Variants in SHLD1 observed in about 807,000 individuals in gnomAD.
SHLD1 encodes RINN1-REV7-interacting novel NHEJ regulator 3.
SHLD1 carries 3 observed loss-of-function variants against 5.5 expected under a neutral mutation model. The ratio of observed to expected loss-of-function variants is 0.54; its 90% CI spans 0.25 to 1.40. The LOEUF is 1.40. Among genes scored for constraint, SHLD1 ranks in the 40% most tolerant of loss-of-function variants. The probability of loss-of-function intolerance (pLI) is 0.15; values close to 1 mark genes in which losing one functional copy is unlikely to be tolerated. For synonymous variants in SHLD1, 92 were observed against 94.3 expected (o/e 0.98, Z 0.14); for missense variants, 210 against 244.4 (o/e 0.86, Z 0.94).
At position 5,753,745 on chromosome 20, in the gene SHLD1, C is replaced by T. The variant is rs140580586; in HGVS notation, c.-5+3266C>T. On this transcript the variant is annotated intron_variant, in intron 1 of 2. Transcript: ENST00000303142. ...TAGGGTGGGATGGCCAGCCTCTTAGCATGCTTTGTTAAAGGCACACCTGGT... is the reference window on the plus strand; with the variant it reads ...TAGGGTGGGATGGCCAGCCTCTTAGTATGCTTTGTTAAAGGCACACCTGGT... Among the ~76,000 whole-genome samples, 1,295 of 152,294 alleles carry T rather than the reference C, an allele frequency of 8.5e-3. 14 individuals are homozygous for T. The highest frequency in any genetic ancestry group is 0.028 in the African/African-American group (1,156 of 41,560).
chr20:5,773,524 A>G (rs237423), intron 2 of SHLD1: 110,688 of 206,420 alleles, frequency 0.54, 30,375 homozygotes, highest in African/African-American at 0.63. Context: ...CGAAACATCT[A>G]TTATTTAAAC....
At chr20:5,786,403 C>G (rs2087059620) in intron 2 of SHLD1, among the ~76,000 whole-genome samples, 1 of 152,070 alleles carries the variant, frequency 6.6e-6, no homozygotes, top group South Asian at 2.1e-4. Context: ...ATAGCAAGAC[C>G]TCGCCTCTAC....
At chr20:5,761,762 C>T (rs1166815558) in intron 1 of SHLD1, among the ~76,000 whole-genome samples, 5 of 151,486 alleles carry the variant, frequency 3.3e-5, no homozygotes, top group Non-Finnish European at 5.9e-5. Context: ...TGCACGCCAC[C>T]GCGCCCAGCT....
At chr20:5,751,601 G>T (rs766158128) in intron 1 of SHLD1, among the ~76,000 whole-genome samples, 1 of 152,044 alleles carries the variant, frequency 6.6e-6, no homozygotes, top group Non-Finnish European at 1.5e-5. Context: ...CACCACGCCC[G>T]GCTATCTTCT....
rs192952878 is a variant in SHLD1, at chr20:5,822,989, C to T, written c.179-40035C>T. Among the ~76,000 whole-genome samples the T allele has an allele frequency of 1.2e-3, 174 of 146,866 alleles. 1 individual carries two copies. The highest frequency in any genetic ancestry group is 3.9e-3 in the African/African-American group (155 of 39,650). ...CCACTCCAGTCACACTTTTGCCTTCCCTCCCCCACCCCGCCCCCACCCCCA... is the reference window on the plus strand; with the variant it reads ...CCACTCCAGTCACACTTTTGCCTTCTCTCCCCCACCCCGCCCCCACCCCCA... On this transcript the variant is annotated intron_variant, in intron 2 of 2. Coordinates refer to ENST00000303142, the MANE Select transcript of SHLD1 (RefSeq NM_152504.4).
chr20:5,779,874 G>A (rs1352229532), intron 2 of SHLD1, among the ~76,000 whole-genome samples: 1 of 152,034 alleles, frequency 6.6e-6, no homozygotes, highest in Non-Finnish European at 1.5e-5. Context: ...GGGGGTCTAA[G>A]GGTGAACTTG....
At chr20:5,810,663 G>A (rs1027202133) in intron 2 of SHLD1, among the ~76,000 whole-genome samples, 1 of 151,108 alleles carries the variant, frequency 6.6e-6, no homozygotes, top group Non-Finnish European at 1.5e-5. Context: ...GGAGGCTGAG[G>A]TAAGCAGATC....
intron 2 of SHLD1, among the ~76,000 whole-genome samples, chr20:5,852,074 T>C (rs2088017956): frequency 6.6e-6 from 1 of 152,100 alleles, no homozygotes; most frequent in Admixed American, 6.5e-5. Flanking sequence ...CTTCCACCAT[T>C]AATAAAAGCT....
intron 2 of SHLD1, among the ~76,000 whole-genome samples, chr20:5,782,813 A>C (rs868541427): frequency 1.1e-4 from 17 of 152,186 alleles, no homozygotes; most frequent in African/African-American, 4.1e-4. Flanking sequence ...AATTCTATAA[A>C]ATTTTATTTC....
intron 2 of SHLD1, among the ~76,000 whole-genome samples, chr20:5,798,826 G>C (rs902758765): frequency 4.6e-5 from 7 of 151,884 alleles, no homozygotes; most frequent in African/African-American, 1.7e-4. Context: ...CACCGGGTTA[G>C]CCAGGATGGT....
intron 1 of SHLD1, among the ~76,000 whole-genome samples, chr20:5,763,856 C>A (rs1164366251): frequency 1.3e-5 from 2 of 150,526 alleles, no homozygotes; most frequent in Non-Finnish European, 2.9e-5. Flanking sequence ...CGCCTGTAAT[C>A]CCAGCACTTT....
intron 2 of SHLD1, among the ~76,000 whole-genome samples, chr20:5,798,621 T>TGA (rs2087246395): frequency 7.2e-6 from 1 of 139,374 alleles, no homozygotes; most frequent in Non-Finnish European, 1.5e-5. Flanking sequence ...AGTTTTCTTT[T>TGA]TTTTTTTTTT....
In SHLD1 at chr20:5,773,026, C is replaced by A. The variant is rs1568495033; in HGVS notation, c.161C>A (p.Ser54Tyr). 1.9e-6 allele frequency: 3 copies of A among 1,614,184 alleles called. No homozygotes were observed. Among genetic ancestry groups the A allele is most frequent in the Non-Finnish European group, 2.5e-6 (3 of 1,180,028 alleles). The change falls in exon 2 of 3, where the codon TCT becomes TAT. Residue 54 changes from serine (S) to tyrosine (Y), a missense_variant. Physicochemically the swap from Ser to Tyr is moderately radical, Grantham distance 144. Transcript: ENST00000303142. ...SSLEFHSFPY[S>Y]SDVDPDTSNL... is the part of the protein sequence containing the mutation. ...TTGGAATTCCATTCTTTTCCTTATT[C>A]TTCTGATGTGGATCCAGGTAATAAG...
intron 2 of SHLD1, among the ~76,000 whole-genome samples, chr20:5,811,549 T>C (rs1170998211): frequency 6.6e-6 from 1 of 151,636 alleles, no homozygotes; most frequent in Non-Finnish European, 1.5e-5. Flanking sequence ...CAAAAAAAAA[T>C]GTGTTTTCAA....
chr20:5,841,081 A>G (rs1012131818), intron 2 of SHLD1, among the ~76,000 whole-genome samples: 22 of 152,186 alleles, frequency 1.4e-4, no homozygotes, highest in African/African-American at 5.3e-4. Context: ...CAGTAGCCTT[A>G]GGATAGTGGT....
intron 2 of SHLD1, among the ~76,000 whole-genome samples, chr20:5,848,492 G>A (rs1236044714): frequency 6.6e-6 from 1 of 152,214 alleles, no homozygotes; most frequent in Non-Finnish European, 1.5e-5. Flanking sequence ...AAAAGTTGGG[G>A]AGGGGCTTTT....
intron 2 of SHLD1, among the ~76,000 whole-genome samples, chr20:5,825,938 T>C (rs1350272860): frequency 6.6e-6 from 1 of 152,196 alleles, no homozygotes; most frequent in African/African-American, 2.4e-5. Flanking sequence ...GGAGTGGGGC[T>C]TGAATTTTCT....
intron 2 of SHLD1, among the ~76,000 whole-genome samples, chr20:5,820,121 T>C (rs2087589641): frequency 1.3e-5 from 2 of 152,224 alleles, no homozygotes; most frequent in Admixed American, 6.5e-5. Flanking sequence ...CTGATTTTTC[T>C]ATTTTTAGTA....
At chr20:5,753,018 C>G (rs1983852645) in intron 1 of SHLD1, among the ~76,000 whole-genome samples, 1 of 152,112 alleles carries the variant, frequency 6.6e-6, no homozygotes, top group African/African-American at 2.4e-5. Flanking sequence ...AGGCTGGTCT[C>G]AAACTCCTGA....
Sources: gnomAD v4.1 joint callset for allele counts (sites outside exome capture counted in the v4.1 genomes callset) on GRCh38, gnomAD v4.1.1 for gene constraint, MANE v1.5 for transcripts, NCBI Gene and HGNC (gene_info 2026-07-23, HGNC 2026-07-21) for gene names.